CDH18: variants seen among roughly 807,000 people sequenced by gnomAD.
CDH18 encodes cadherin 18, also known as cadherin-18.
Under a neutral mutation model 67.9 loss-of-function variants are expected in CDH18, and 31 were observed. That is an observed-to-expected ratio of 0.46 (90% CI 0.34 to 0.62). The LOEUF is 0.62. CDH18 is among the 20% of genes least tolerant of loss of function. The probability of loss-of-function intolerance (pLI) is 0.01; values close to 1 mark genes in which losing one functional copy is unlikely to be tolerated. For synonymous variants in CDH18, 362 were observed against 347.2 expected (o/e 1.04, Z -0.48); for missense variants, 890 against 975.5 (o/e 0.91, Z 1.17).
intron 11 of CDH18, among the ~76,000 whole-genome samples, chr5:19,494,025 A>ATATTTCTTTC (rs2126688877): frequency 6.6e-6 from 1 of 152,262 alleles, no homozygotes; most frequent in South Asian, 2.1e-4. Flanking sequence ...ATATCACTAA[A>ATATTTCTTTC]AGAAGATCAA....
intron 1 of CDH18, among the ~76,000 whole-genome samples, chr5:20,492,637 T>C (rs1753661212): frequency 6.6e-6 from 1 of 152,158 alleles, no homozygotes; most frequent in South Asian, 2.1e-4. Context: ...TCTGTGTAAA[T>C]AAGTAAATGG....
At position 20,356,751 on chromosome 5, in the gene CDH18, CTCTA is replaced by C. The variant is rs1212713808; in HGVS notation, c.-579-101250_-579-101247del. 1.8e-3 allele frequency among the ~76,000 whole-genome samples: 226 copies of C among 127,060 alleles called. 1 individual carries two copies. The highest frequency in any genetic ancestry group is 3.5e-3 in the African/African-American group (113 of 32,106). 83.4% of individuals were successfully genotyped at this position (127,060 alleles called of 152,430 possible). The stretch of plus-strand genomic sequence containing the variant: ...TCTCTCTCTCTCTCTCTCTCTCTCT[CTCTA>C]TATATATATATATATACACATGCAC... On this transcript the variant is annotated intron_variant, in intron 1 of 14. Coordinates refer to the CDH18 transcript ENST00000507958.
chr5:20,124,826 A>G (rs1314886344), intron 2 of CDH18, among the ~76,000 whole-genome samples: 1 of 152,214 alleles, frequency 6.6e-6, no homozygotes, highest in Non-Finnish European at 1.5e-5. Context: ...TTCTTAAAGC[A>G]GAAGAGCTTG....
At chr5:19,534,664 C>T (rs573071388) in intron 9 of CDH18, among the ~76,000 whole-genome samples, 3 of 152,178 alleles carry the variant, frequency 2.0e-5, no homozygotes, top group East Asian at 1.9e-4. Flanking sequence ...TAAAAACATT[C>T]GAACAAATTC....
At chr5:20,384,871 C>T (rs1029651345) in intron 1 of CDH18, among the ~76,000 whole-genome samples, 2 of 152,146 alleles carry the variant, frequency 1.3e-5, no homozygotes, top group African/African-American at 4.8e-5. Context: ...GAGTCTCACT[C>T]TGCCATCCAG....
At chr5:20,084,480 T>G (rs897810076) in intron 2 of CDH18, among the ~76,000 whole-genome samples, 1 of 152,140 alleles carries the variant, frequency 6.6e-6, no homozygotes, top group East Asian at 1.9e-4. Flanking sequence ...TATACCATTC[T>G]GGGGTCTGGA....
At chr5:19,769,757 T>C (rs1222952144) in intron 3 of CDH18, among the ~76,000 whole-genome samples, 2 of 151,880 alleles carry the variant, frequency 1.3e-5, no homozygotes, top group African/African-American at 2.4e-5. Context: ...TTATATACAT[T>C]AAAACTGTTG....
chr5:19,495,546 G>C (rs911668583), intron 11 of CDH18, among the ~76,000 whole-genome samples: 1 of 151,810 alleles, frequency 6.6e-6, no homozygotes, highest in African/African-American at 2.4e-5. Flanking sequence ...ATTGAGACCA[G>C]CCTGATCAAC....
intron 2 of CDH18, among the ~76,000 whole-genome samples, chr5:20,104,479 T>A (rs964758113): frequency 1.3e-5 from 2 of 152,182 alleles, no homozygotes; most frequent in Non-Finnish European, 1.5e-5. Flanking sequence ...CTGTGCTCTC[T>A]TAGAATGCGA....
intron 6 of CDH18, among the ~76,000 whole-genome samples, chr5:19,610,129 C>A (rs1203663793): frequency 6.6e-6 from 1 of 151,992 alleles, no homozygotes; most frequent in Non-Finnish European, 1.5e-5. Context: ...TTGTGTAGTG[C>A]CTCCTTTTCA....
chr5:20,363,602 T>C (rs1179331923), intron 1 of CDH18, among the ~76,000 whole-genome samples: 2 of 152,098 alleles, frequency 1.3e-5, no homozygotes, highest in Non-Finnish European at 2.9e-5. Flanking sequence ...TCTTAGTCTT[T>C]CATATTTATG....
At chr5:20,088,520 G>A (rs1745162240) in intron 2 of CDH18, among the ~76,000 whole-genome samples, 1 of 152,124 alleles carries the variant, frequency 6.6e-6, no homozygotes, top group Non-Finnish European at 1.5e-5. Flanking sequence ...TGTGGTCCTG[G>A]AGATTTCTGG....
chr5:20,023,552 G>A (rs1044269310), intron 2 of CDH18, among the ~76,000 whole-genome samples: 3 of 151,462 alleles, frequency 2.0e-5, no homozygotes, highest in East Asian at 1.9e-4. Context: ...CCAGCTACTC[G>A]GGAGGCTGAG....
Position 19,696,225 on chromosome 5 carries a change from A to ATGTGTGTGTGTGTG in CDH18, c.643+25108_643+25121dup, listed in dbSNP as rs1192392126. 3.2e-3 allele frequency among the ~76,000 whole-genome samples: 242 copies of ATGTGTGTGTGTGTG among 75,104 alleles called. 1 individual carries two copies. The highest frequency in any genetic ancestry group is 9.4e-3 in the African/African-American group (238 of 25,320). 49.3% of individuals were successfully genotyped at this position (75,104 alleles called of 152,430 possible). On this transcript the variant is annotated intron_variant, in intron 5 of 12. Coordinates refer to ENST00000382275, the MANE Select transcript of CDH18 (RefSeq NM_004934.5). The stretch of plus-strand genomic sequence containing the variant: ...TTTATATGCAGTCTGCACCAAATAT[A>ATGTGTGTGTGTGTG]TGTGTGTGTGTGTGTGTGTGTGTGT...
intron 2 of CDH18, among the ~76,000 whole-genome samples, chr5:19,865,189 C>T (rs2149997112): frequency 6.6e-6 from 1 of 152,164 alleles, no homozygotes; most frequent in Non-Finnish European, 1.5e-5. Context: ...GCTGTGGGAA[C>T]TCTGAATAAT....
chr5:20,230,194 G>A (rs1451208517), intron 2 of CDH18, among the ~76,000 whole-genome samples: 30 of 152,050 alleles, frequency 2.0e-4, no homozygotes, highest in Admixed American at 2.0e-3. Context: ...GTGTATAACA[G>A]AAAGCCCTTT....
chr5:19,527,050 C>T (rs1477195422), intron 9 of CDH18, among the ~76,000 whole-genome samples: 2 of 151,888 alleles, frequency 1.3e-5, no homozygotes, highest in Non-Finnish European at 2.9e-5. Flanking sequence ...TAAAATTACT[C>T]TCATTCTTTT....
At chr5:20,014,870 A>G (rs535384450) in intron 2 of CDH18, among the ~76,000 whole-genome samples, 2 of 152,226 alleles carry the variant, frequency 1.3e-5, no homozygotes, top group South Asian at 4.1e-4. Context: ...ACTGTTGATC[A>G]TTTGGTCAGA....
At chr5:20,167,885 A>C (rs1580388814) in intron 2 of CDH18, among the ~76,000 whole-genome samples, 1 of 152,182 alleles carries the variant, frequency 6.6e-6, no homozygotes, top group East Asian at 1.9e-4. Context: ...GCTTTAACCA[A>C]ACTGGAAGCA....
Sources: gnomAD v4.1 joint callset for allele counts (sites outside exome capture counted in the v4.1 genomes callset) on GRCh38, gnomAD v4.1.1 for gene constraint, MANE v1.5 for transcripts, NCBI Gene and HGNC (gene_info 2026-07-23, HGNC 2026-07-21) for gene names.